Variants in DISC1 observed in about 807,000 individuals in gnomAD.
The protein encoded by DISC1 is disrupted in schizophrenia 1 protein.
A neutral mutation model predicts 84.5 loss-of-function variants in DISC1; 57 were observed. The ratio of observed to expected loss-of-function variants is 0.67; its 90% confidence interval spans 0.55 to 0.84. The LOEUF (loss-of-function observed/expected upper bound fraction) is 0.84, where lower values mean the gene tolerates loss of function less well. DISC1 is among the 40% of genes least tolerant of loss of function. The pLI is 0.00. For missense variants in DISC1, 1,000 were observed against 1,057.8 expected (o/e 0.95, Z 0.76); for synonymous variants, 411 against 415.2 (o/e 0.99, Z 0.12).
At chr1:231,899,439 T>C (rs1232329641) in intron 9 of DISC1, among the ~76,000 whole-genome samples, 1 of 152,200 alleles carries the variant, frequency 6.6e-6, no homozygotes, top group East Asian at 1.9e-4. Context: ...GTTCTATACA[T>C]TGGCCCCTTG....
intron 9 of DISC1, among the ~76,000 whole-genome samples, chr1:231,863,611 G>A (rs2084840758): frequency 6.6e-6 from 1 of 152,140 alleles, no homozygotes; most frequent in Non-Finnish European, 1.5e-5. Flanking sequence ...ACACAATATG[G>A]GTTCTTTCAG....
chr1:231,912,312 T>C (rs2089272291), intron 9 of DISC1, among the ~76,000 whole-genome samples: 1 of 152,220 alleles, frequency 6.6e-6, no homozygotes. Context: ...CTTTGTGGTT[T>C]TATCTACTTT....
intron 3 of DISC1, among the ~76,000 whole-genome samples, chr1:231,715,281 C>T (rs767628229): frequency 3.3e-5 from 5 of 152,034 alleles, no homozygotes; most frequent in Admixed American, 1.3e-4. Flanking sequence ...AACATGCACA[C>T]ACGAAGCAAT....
rs2081245997 is a variant in DISC1, at chr1:231,818,403, G to C, written c.1867G>C (p.Gly623Arg). 1.2e-6 allele frequency: 2 copies of C among 1,613,994 alleles called. No individual in the cohort carries two copies. The highest frequency in any genetic ancestry group is 2.7e-5 in the African/African-American group (2 of 74,904). Residue 623 changes from glycine to arginine, a missense_variant, in exon 9 of 13, where the codon GGA (glycine) becomes CGA (arginine). Around this residue, in one of 3 missense-constraint regions of DISC1, gnomAD observed 397 missense variants for 377.5 expected, o/e 1.05. Transcript: ENST00000439617. ...AACATCAGAGAGAGAAGGGCTGGAGGGACTCCTCAGCAAGCTGTTGGTGTT... is the reference window on the plus strand; with the variant it reads ...AACATCAGAGAGAGAAGGGCTGGAGCGACTCCTCAGCAAGCTGTTGGTGTT... ...SLTSEREGLEGLLSKLLVLSS... is the reference protein window; with the variant it reads ...SLTSEREGLERLLSKLLVLSS...
At chr1:231,769,322 A>G (rs928199716) in intron 5 of DISC1, among the ~76,000 whole-genome samples, 1 of 152,248 alleles carries the variant, frequency 6.6e-6, no homozygotes, top group African/African-American at 2.4e-5. Flanking sequence ...TTACACACCC[A>G]TGTTCATAGC....
At chr1:231,658,920 GA>G (rs1228112319) in intron 1 of DISC1, among the ~76,000 whole-genome samples, 3 of 152,112 alleles carry the variant, frequency 2.0e-5, no homozygotes, top group African/African-American at 7.2e-5. Flanking sequence ...GTTCATTAAG[GA>G]TATCGGCCTG....
Position 232,038,347 on chromosome 1 carries a change from T to C in DISC1, c.*1516T>C, listed in dbSNP as rs1670648794. 1 of 152,118 alleles carries C rather than the reference T, an allele frequency of 6.6e-6. No individual in the cohort carries two copies. Among genetic ancestry groups the C allele is most frequent in the South Asian group, 2.1e-4 (1 of 4,812 alleles). The allele number at this position is 152,118 out of a possible 1,614,324, so 9.4% of individuals were successfully genotyped here. A position where few individuals can be genotyped will look rare whatever the true frequency, so the allele number is the denominator to read the frequency against. On this transcript the variant is annotated 3_prime_UTR_variant, in exon 13 of 13. Transcript: ENST00000439617. ...TGAGACAGCTGCAAAACAGGCTGAT[T>C]TCAATTAGGCAGCACTTCCCAAAGT...
At chr1:231,716,823 T>C (rs2068795596) in intron 3 of DISC1, among the ~76,000 whole-genome samples, 1 of 152,194 alleles carries the variant, frequency 6.6e-6, no homozygotes, top group Non-Finnish European at 1.5e-5. Flanking sequence ...TTCCTTTGCA[T>C]AATGGCAACG....
rs1670035198 is a variant in DISC1 at position 232,031,392 on chromosome 1, GAGAAGGGA to G, written c.2425+4851_2425+4858del. The stretch of plus-strand genomic sequence containing the variant: ...AGAGGGAAAGGAGAAGGGAAAGGAA[GAGAAGGGA>G]AGAAGGGAAGGGAGAAGAGACAAGG... On this transcript the variant is annotated intron_variant, in intron 12 of 12. Coordinates refer to ENST00000439617, the MANE Select transcript of DISC1 (RefSeq NM_018662.3). This position sits in a 1 kb window ranked among gnomAD's most constrained non-coding sequence, Gnocchi z 4.6. 6.7e-6 allele frequency among the ~76,000 whole-genome samples: 1 copy of G among 148,210 alleles called. No individual in the cohort carries two copies. Among genetic ancestry groups the G allele is most frequent in the African/African-American group, 2.5e-5 (1 of 40,156 alleles).
chr1:231,767,667 G>C (rs6663650), intron 5 of DISC1, among the ~76,000 whole-genome samples: 21,441 of 152,210 alleles, frequency 0.14, 1,571 homozygotes, highest in Middle Eastern at 0.19. Flanking sequence ...GTAGCAATTA[G>C]AGCCTTGGCT....
At chr1:231,757,022 A>G (rs1447482719) in intron 4 of DISC1, among the ~76,000 whole-genome samples, 4 of 152,186 alleles carry the variant, frequency 2.6e-5, no homozygotes, top group Non-Finnish European at 5.9e-5. Context: ...GAGCCTGGAC[A>G]GAAACCGCTC....
In DISC1 at chr1:231,739,112, G is replaced by A. The variant is rs757840252; in HGVS notation, c.1118-10814G>A. On this transcript the variant is annotated intron_variant, in intron 3 of 12. Transcript: ENST00000439617. The stretch of plus-strand genomic sequence containing the variant: ...TCATTACTTATAGGCCTTCTCAGTA[G>A]GTAAATATAGAAAATGTGTGTAAAT... 7.2e-4 allele frequency among the ~76,000 whole-genome samples: 110 copies of A among 152,096 alleles called. 3 individuals carry two copies. Among genetic ancestry groups the A allele is most frequent in the Non-Finnish European group, 2.4e-4 (16 of 68,024 alleles).
intron 3 of DISC1, among the ~76,000 whole-genome samples, chr1:231,744,595 A>C (rs892222340): frequency 1.3e-5 from 2 of 152,162 alleles, no homozygotes; most frequent in African/African-American, 4.8e-5. Context: ...ACAAAGGTGG[A>C]ATATATGTAA....
chr1:231,951,987 G>A (rs776494345), intron 9 of DISC1, among the ~76,000 whole-genome samples: 1 of 151,174 alleles, frequency 6.6e-6, no homozygotes, highest in African/African-American at 2.4e-5. Flanking sequence ...AGAGATTGAG[G>A]TGGGAAGATC....
intron 9 of DISC1, among the ~76,000 whole-genome samples, chr1:231,948,543 G>A (rs757254548): frequency 5.9e-5 from 9 of 151,812 alleles, no homozygotes; most frequent in Non-Finnish European, 1.0e-4. Flanking sequence ...ACCGTGGCAC[G>A]TGTATATCTA....
At chr1:231,825,375 C>T (rs1488606472) in intron 9 of DISC1, among the ~76,000 whole-genome samples, 1 of 152,054 alleles carries the variant, frequency 6.6e-6, no homozygotes, top group African/African-American at 2.4e-5. Context: ...TAAATATCTG[C>T]CAGATTTTCT....
At chr1:231,791,811 T>G (rs1198478153) in intron 6 of DISC1, among the ~76,000 whole-genome samples, 1 of 152,194 alleles carries the variant, frequency 6.6e-6, no homozygotes, top group East Asian at 1.9e-4. Flanking sequence ...ATTTTCTGGT[T>G]TTTGGTTTGT....
chr1:231,999,417 G>C (rs1405832184), intron 10 of DISC1, among the ~76,000 whole-genome samples: 3 of 152,162 alleles, frequency 2.0e-5, no homozygotes, highest in Non-Finnish European at 2.9e-5. Flanking sequence ...AGGCAGCTCA[G>C]CTAGGTTTAT....
At chr1:231,983,855 C>A (rs1398729031) in intron 10 of DISC1, among the ~76,000 whole-genome samples, 1 of 152,178 alleles carries the variant, frequency 6.6e-6, no homozygotes, top group Non-Finnish European at 1.5e-5. Context: ...GAGGGCCTCG[C>A]AGTCGTGTTG....
Sources: allele counts gnomAD v4.1 joint callset (sites outside exome capture counted in the v4.1 genomes callset), GRCh38; gene constraint gnomAD v4.1.1; regional missense constraint gnomAD v4.1.1; non-coding constraint Gnocchi (gnomAD v3.1); transcripts MANE v1.5; gene names NCBI Gene and HGNC (gene_info 2026-07-23, HGNC 2026-07-21).